DAB1: variants seen among roughly 807,000 people sequenced by gnomAD.
DAB1 encodes DAB adaptor protein 1.
DAB1 carries 15 observed loss-of-function variants against 64.6 expected under a neutral mutation model. The ratio of observed to expected loss-of-function variants is 0.23; its 90% CI spans 0.16 to 0.36. The LOEUF is 0.36. Ranked by LOEUF, DAB1 falls within the 10% of genes least tolerant of loss-of-function variation. DAB1 has a pLI of 1.00. For missense variants in DAB1, 596 were observed against 706.7 expected (o/e 0.84, Z 1.78); for synonymous variants, 235 against 251.9 (o/e 0.93, Z 0.64).
chr1:57,202,012 C>T (rs12144582), intron 2 of DAB1, among the ~76,000 whole-genome samples: 5 of 152,218 alleles, frequency 3.3e-5, no homozygotes, highest in Non-Finnish European at 7.3e-5. Flanking sequence ...AAGTAATTCA[C>T]CATCTTTAAG....
rs541551945 is a variant in DAB1 at position 58,229,532 on chromosome 1, C to T, written n.310-78944G>A. Among the ~76,000 whole-genome samples the T allele has an allele frequency of 3.4e-4, 51 of 152,192 alleles. 1 individual carries two copies. The South Asian group carries it at 0.01, about 31-fold the overall frequency. ...TGATAAGTGTAATGACAAGTGAAGT[C>T]ACTGGGGGTGATGGGAATACAGGGC... is the stretch of plus-strand genomic sequence containing the variant. On this transcript the variant is annotated intron_variant and non_coding_transcript_variant, in intron 4 of 20. Coordinates refer to the DAB1 transcript ENST00000485760.
chr1:57,258,144 A>G (rs1669904104), intron 2 of DAB1, among the ~76,000 whole-genome samples: 1 of 152,142 alleles, frequency 6.6e-6, no homozygotes, highest in Non-Finnish European at 1.5e-5. Context: ...AGCAAAGTGA[A>G]TTTTCTAGAT....
At chr1:58,280,780 A>C (rs1661541963) in intron 4 of DAB1, among the ~76,000 whole-genome samples, 1 of 152,196 alleles carries the variant, frequency 6.6e-6, no homozygotes, top group East Asian at 1.9e-4. Context: ...AAATGAAGTA[A>C]CATTCAAGAA....
chr1:57,628,282 C>T (rs896430778), intron 7 of DAB1, among the ~76,000 whole-genome samples: 2 of 152,208 alleles, frequency 1.3e-5, no homozygotes, highest in African/African-American at 4.8e-5. Flanking sequence ...GTGTAATATG[C>T]TGCACAAGTG....
At chr1:57,608,465 TTTCCAGTAAAGCTTTTGAATCCTCATA>T (rs1356455760) in intron 7 of DAB1, among the ~76,000 whole-genome samples, 4 of 152,142 alleles carry the variant, frequency 2.6e-5, no homozygotes, top group African/African-American at 7.2e-5. Flanking sequence ...TCTAAAAGAA[TTTCCAGTAAAGCTTTTGAATCCTCATA>T]TCTGAAAGCT....
At chr1:57,909,883 A>G (rs1049216497) in intron 5 of DAB1, among the ~76,000 whole-genome samples, 1 of 152,200 alleles carries the variant, frequency 6.6e-6, no homozygotes, top group Non-Finnish European at 1.5e-5. Flanking sequence ...CATTTCAGTG[A>G]TTCATGTTAA....
At chr1:57,461,799 T>C (rs991414899) in intron 7 of DAB1, among the ~76,000 whole-genome samples, 14 of 152,166 alleles carry the variant, frequency 9.2e-5, no homozygotes, top group African/African-American at 3.1e-4. Flanking sequence ...TCTTCCTCCC[T>C]GAGTGTGAGC....
chr1:57,867,100 A>G (rs533051012), intron 1 of DAB1: 12 of 152,198 alleles, frequency 7.9e-5, no homozygotes, highest in Non-Finnish European at 1.8e-4. Flanking sequence ...CTGCCTGCAG[A>G]CAATAAATGG....
At chr1:58,429,262 C>G (rs192566414) in intron 3 of DAB1, among the ~76,000 whole-genome samples, 3 of 151,986 alleles carry the variant, frequency 2.0e-5, no homozygotes, top group East Asian at 3.8e-4. Context: ...TTAAATGGTA[C>G]GTGGTGGGGT....
chr1:58,323,091 G>T (rs1020194302), intron 4 of DAB1, among the ~76,000 whole-genome samples: 4 of 151,674 alleles, frequency 2.6e-5, no homozygotes, highest in Non-Finnish European at 5.9e-5. Flanking sequence ...TTCCTATTGT[G>T]GGGTGGGGGG....
At chr1:57,248,283 A>G (rs1304344721) in intron 2 of DAB1, among the ~76,000 whole-genome samples, 1 of 151,908 alleles carries the variant, frequency 6.6e-6, no homozygotes, top group Non-Finnish European at 1.5e-5. Flanking sequence ...CTTTCAATCC[A>G]TGGTTGGTTG....
intron 4 of DAB1, among the ~76,000 whole-genome samples, chr1:58,297,019 A>G (rs1662010602): frequency 6.6e-6 from 1 of 152,210 alleles, no homozygotes; most frequent in African/African-American, 2.4e-5. Flanking sequence ...ACAATTCCAA[A>G]GCATCTTCTC....
chr1:58,212,341 C>T (rs549501480), intron 4 of DAB1, among the ~76,000 whole-genome samples: 1 of 152,314 alleles, frequency 6.6e-6, no homozygotes, highest in South Asian at 2.1e-4. Flanking sequence ...ACCCATCTTA[C>T]AGATGAGTAA....
rs781149863 is a variant in DAB1 at position 58,042,755 on chromosome 1, G to C, written n.387+107756C>G. Among the ~76,000 whole-genome samples, 3 of 152,176 alleles carry C rather than the reference G, an allele frequency of 2.0e-5. No individual in the cohort carries two copies. The East Asian group carries it at 5.8e-4, about 29-fold the overall frequency. ...TCTGAAACTCAGAGTTCAAGGCAGG[G>C]AGTACTGAGAGACTTAGGAAGGAGC... On this transcript the variant is annotated intron_variant and non_coding_transcript_variant, in intron 5 of 20. Transcript: ENST00000485760.
intron 3 of DAB1, among the ~76,000 whole-genome samples, chr1:58,403,857 T>C (rs946209020): frequency 1.3e-5 from 2 of 152,084 alleles, no homozygotes; most frequent in Non-Finnish European, 2.9e-5. Context: ...CATAAGTCAC[T>C]AAACAGGATT....
intron 6 of DAB1, among the ~76,000 whole-genome samples, chr1:57,716,285 A>C (rs1419345844): frequency 6.6e-6 from 1 of 152,214 alleles, no homozygotes; most frequent in East Asian, 1.9e-4. Flanking sequence ...TGGATAGCCA[A>C]AGCAATCTTG....
intron 3 of DAB1, among the ~76,000 whole-genome samples, chr1:58,489,804 C>G (rs1246249489): frequency 6.6e-6 from 1 of 152,112 alleles, no homozygotes; most frequent in Non-Finnish European, 1.5e-5. Flanking sequence ...TGTTCTGCAG[C>G]CTCCGCTGCT....
chr1:57,745,432 G>A (rs1648217347), intron 6 of DAB1, among the ~76,000 whole-genome samples: 1 of 152,054 alleles, frequency 6.6e-6, no homozygotes, highest in African/African-American at 2.4e-5. Flanking sequence ...ACTCATTTCT[G>A]TGAGGATTGT....
chr1:57,474,927 T>C (rs1403708624), intron 7 of DAB1, among the ~76,000 whole-genome samples: 1 of 152,122 alleles, frequency 6.6e-6, no homozygotes, highest in Admixed American at 6.6e-5. Context: ...AGAGAGATTA[T>C]AGCCTGTGCT....
Sources: gnomAD v4.1 joint callset for allele counts (sites outside exome capture counted in the v4.1 genomes callset) on GRCh38, gnomAD v4.1.1 for gene constraint, MANE v1.5 for transcripts, NCBI Gene and HGNC (gene_info 2026-07-23, HGNC 2026-07-21) for gene names.